The following EPB41L2 variants were observed in gnomAD, a reference collection of about 807,000 sequenced individuals.
EPB41L2 encodes band 4.1-like protein 2.
EPB41L2 carries 43 observed loss-of-function variants against 113.0 expected under a neutral mutation model. That is an observed-to-expected ratio of 0.38 (90% CI 0.30 to 0.49). The LOEUF (loss-of-function observed/expected upper bound fraction) is 0.49, where lower values mean the gene tolerates loss of function less well. Ranked by LOEUF, EPB41L2 falls within the 20% of genes least tolerant of loss-of-function variation. The probability of loss-of-function intolerance (pLI) is 0.95; values close to 1 mark genes in which losing one functional copy is unlikely to be tolerated. For synonymous variants in EPB41L2, 442 were observed against 436.7 expected, an observed-to-expected ratio of 1.01 and a Z score of -0.15; for missense variants, 1,147 against 1,223.4, an observed-to-expected ratio of 0.94 and a Z score of 0.93.
At chr6:130,908,947 T>C (rs1798510714) in intron 4 of EPB41L2, 84 bp from the exon 5 acceptor site, 4 of 1,089,284 alleles carry the variant, frequency 3.7e-6, no homozygotes, top group Non-Finnish European at 5.4e-6. Context: ...ATTATTTAAG[T>C]GTAAACACAT....
chr6:130,866,462 T>C (rs750201601), intron 16 of EPB41L2, among the ~76,000 whole-genome samples: 2 of 152,216 alleles, frequency 1.3e-5, no homozygotes, highest in African/African-American at 2.4e-5. Flanking sequence ...ACTTGGGTCA[T>C]GCACCTGTAT....
At chr6:130,855,474 T>C (rs534218702) in intron 19 of EPB41L2, among the ~76,000 whole-genome samples, 4 of 152,330 alleles carry the variant, frequency 2.6e-5, no homozygotes, top group African/African-American at 9.6e-5. Context: ...CTAAAATTGT[T>C]AATGATTTCT....
At chr6:130,903,846 T>C (rs938385350) in intron 6 of EPB41L2, among the ~76,000 whole-genome samples, 1 of 152,218 alleles carries the variant, frequency 6.6e-6, no homozygotes, top group Non-Finnish European at 1.5e-5. Context: ...TGATTCACAA[T>C]GTTTCTTGGT....
At chr6:130,959,520 G>A (rs557323027) in intron 1 of EPB41L2, among the ~76,000 whole-genome samples, 8 of 152,264 alleles carry the variant, frequency 5.3e-5, no homozygotes, top group African/African-American at 1.7e-4. Context: ...TAATATCCCT[G>A]ACAGCAATGC....
intron 10 of EPB41L2, among the ~76,000 whole-genome samples, chr6:130,892,740 C>T (rs961175668): frequency 3.9e-5 from 6 of 152,042 alleles, no homozygotes; most frequent in African/African-American, 7.2e-5. Context: ...TGATACCAAA[C>T]GAAGAATAAT....
intron 4 of EPB41L2, among the ~76,000 whole-genome samples, chr6:130,911,728 T>TA (rs1364566922): frequency 6.6e-6 from 1 of 152,168 alleles, no homozygotes; most frequent in Non-Finnish European, 1.5e-5. Context: ...AAAAGTCCAA[T>TA]AAAAAATTTA....
intron 1 of EPB41L2, among the ~76,000 whole-genome samples, chr6:131,035,821 A>G (rs1327578841): frequency 2.0e-5 from 3 of 152,248 alleles, no homozygotes; most frequent in Non-Finnish European, 4.4e-5. Flanking sequence ...TCCAGAGTTC[A>G]GAAGTGAGAG....
intron 1 of EPB41L2, among the ~76,000 whole-genome samples, chr6:130,974,961 AT>A (rs1393329211): frequency 6.6e-6 from 1 of 151,592 alleles, no homozygotes; most frequent in African/African-American, 2.4e-5. Flanking sequence ...GTTTCACCAT[AT>A]TGGCCAGGCT....
At chr6:130,981,674 G>C (rs913849286) in intron 1 of EPB41L2, among the ~76,000 whole-genome samples, 10 of 152,182 alleles carry the variant, frequency 6.6e-5, no homozygotes, top group African/African-American at 2.4e-4. Context: ...TTCTTCCTTT[G>C]AGCAAGAGAG....
At chr6:130,949,050 C>T (rs766734308) in intron 3 of EPB41L2, among the ~76,000 whole-genome samples, 4 of 152,084 alleles carry the variant, frequency 2.6e-5, no homozygotes, top group East Asian at 1.9e-4. Flanking sequence ...ACCTAGAAAC[C>T]GGTATCAACA....
chr6:130,924,975 T>C (rs879368633), intron 4 of EPB41L2, among the ~76,000 whole-genome samples: 6 of 152,128 alleles, frequency 3.9e-5, no homozygotes, highest in Non-Finnish European at 7.4e-5. Flanking sequence ...ACAAGGTGTG[T>C]ACTAAATGTG....
At chr6:131,034,942 G>A (rs979472269) in intron 1 of EPB41L2, among the ~76,000 whole-genome samples, 9 of 152,082 alleles carry the variant, frequency 5.9e-5, no homozygotes, top group African/African-American at 1.9e-4. Context: ...TTCCTAACAC[G>A]CAGAAGAAGG....
intron 8 of EPB41L2, 82 bp from the exon 9 acceptor site, chr6:130,895,201 A>G: frequency 5.6e-6 from 8 of 1,425,918 alleles, no homozygotes; most frequent in Non-Finnish European, 7.6e-6. Flanking sequence ...CCCTCAAATC[A>G]TGATCAGGAA....
At chr6:130,970,976 T>A (rs1018467960) in intron 1 of EPB41L2, among the ~76,000 whole-genome samples, 4 of 152,148 alleles carry the variant, frequency 2.6e-5, no homozygotes, top group Admixed American at 6.5e-5. Flanking sequence ...AGCCTCGACC[T>A]CCTGGGCTCA....
At chr6:131,049,527 T>C (rs906961500) in intron 1 of EPB41L2, among the ~76,000 whole-genome samples, 4 of 152,208 alleles carry the variant, frequency 2.6e-5, no homozygotes, top group Non-Finnish European at 4.4e-5. Flanking sequence ...AGACACTTAG[T>C]AGCTTTTCTA....
At chr6:131,004,882 G>T (rs781191096) in intron 1 of EPB41L2, among the ~76,000 whole-genome samples, 1 of 152,212 alleles carries the variant, frequency 6.6e-6, no homozygotes, top group South Asian at 2.1e-4. Flanking sequence ...TGTCCAGGAC[G>T]GTCATGTACA....
chr6:130,959,451 G>C (rs895429328), intron 1 of EPB41L2, among the ~76,000 whole-genome samples: 4 of 152,178 alleles, frequency 2.6e-5, no homozygotes, highest in Non-Finnish European at 5.9e-5. Flanking sequence ...AGGTGAGGCA[G>C]AAGAAAAGGC....
intron 10 of EPB41L2, among the ~76,000 whole-genome samples, chr6:130,892,604 T>C (rs891946438): frequency 1.6e-4 from 24 of 152,060 alleles, no homozygotes; most frequent in African/African-American, 1.2e-4. Context: ...GATTCAAGCA[T>C]ATTTTATGAG....
chr6:130,880,499 C>T, intron 12 of EPB41L2: 1 of 646,742 alleles, frequency 1.5e-6, no homozygotes, highest in Non-Finnish European at 2.7e-6. Context: ...CCTGAAAAGT[C>T]ACACAGCAAA....
Sources: gnomAD v4.1 joint callset for allele counts (sites outside exome capture counted in the v4.1 genomes callset) on GRCh38, gnomAD v4.1.1 for gene constraint, MANE v1.5 for transcripts, NCBI Gene and HGNC (gene_info 2026-07-23, HGNC 2026-07-21) for gene names.